The following SMARCAD1 variants were observed in gnomAD, a reference collection of about 807,000 sequenced individuals.
SMARCAD1 encodes SNF2 related chromatin remodeling ATPase with DExD box 1.
Under a neutral mutation model 127.1 loss-of-function variants are expected in SMARCAD1, and 25 were observed. That is an observed-to-expected ratio of 0.20 (90% CI 0.14 to 0.27). The LOEUF (loss-of-function observed/expected upper bound fraction) is 0.27. Among genes scored for constraint, SMARCAD1 ranks in the 10% least tolerant of loss-of-function variants. The probability of loss-of-function intolerance (pLI) is 1.00; values close to 1 mark genes in which losing one functional copy is unlikely to be tolerated. For synonymous variants in SMARCAD1, 400 were observed against 396.9 expected (o/e 1.01, Z -0.09); for missense variants, 807 against 1,206.0 (o/e 0.67, Z 4.90).
chr4:94,253,445 T>G (rs1749585329), intron 9 of SMARCAD1: 1 of 1,190,060 alleles, frequency 8.4e-7, no homozygotes, highest in South Asian at 1.6e-5. Context: ...GCTCCATGAT[T>G]CAAAATGCCA....
chr4:94,285,094 T>C, intron 23 of SMARCAD1, 25 bp downstream of exon 23: 16 of 1,368,548 alleles, frequency 1.2e-5, no homozygotes, highest in Non-Finnish European at 1.6e-5. Context: ...AGCAGAAACT[T>C]CAATATTTAT....
At chr4:94,275,090 C>A in intron 14 of SMARCAD1, 125 bp downstream of exon 14, 1 of 757,610 alleles carries the variant, frequency 1.3e-6, no homozygotes, top group Non-Finnish European at 2.3e-6. Flanking sequence ...AATAGAATGA[C>A]TAATGTTGAG....
At chr4:94,242,160 A>T (rs900038911) in intron 6 of SMARCAD1, among the ~76,000 whole-genome samples, 2 of 151,522 alleles carry the variant, frequency 1.3e-5, no homozygotes, top group Non-Finnish European at 2.9e-5. Context: ...CAGCCTCCGG[A>T]GTATCTGGGA....
chr4:94,218,676 C>T (rs966928576), intron 2 of SMARCAD1, among the ~76,000 whole-genome samples: 12 of 151,984 alleles, frequency 7.9e-5, no homozygotes, highest in African/African-American at 2.9e-4. Context: ...ACTCTTTAAT[C>T]TTATATTTAG....
chr4:94,284,929 A>G (rs1277506219), intron 22 of SMARCAD1, 31 bp from the exon 23 acceptor site: 1 of 1,257,538 alleles, frequency 8.0e-7, no homozygotes, highest in African/African-American at 1.5e-5. Context: ...ATATTTAGTA[A>G]CCAATGGACA....
chr4:94,215,670 T>C (rs1012126485), intron 2 of SMARCAD1, among the ~76,000 whole-genome samples: 26 of 151,964 alleles, frequency 1.7e-4, no homozygotes, highest in Non-Finnish European at 1.9e-4. Context: ...ATTTTAGTCA[T>C]TGTCACTTCA....
chr4:94,216,079 T>C (rs1266850385), intron 2 of SMARCAD1, among the ~76,000 whole-genome samples: 1 of 152,120 alleles, frequency 6.6e-6, no homozygotes, highest in African/African-American at 2.4e-5. Context: ...ATTAGGTATC[T>C]CAGGGCCCTA....
chr4:94,259,602 A>G (rs1750644625), intron 9 of SMARCAD1, among the ~76,000 whole-genome samples: 1 of 152,154 alleles, frequency 6.6e-6, no homozygotes, highest in African/African-American at 2.4e-5. Flanking sequence ...TAAAAATCTC[A>G]TAACCAACCC....
intron 22 of SMARCAD1, 93 bp downstream of exon 22, chr4:94,283,396 T>G (rs1754374294): frequency 2.2e-6 from 3 of 1,360,994 alleles, no homozygotes; most frequent in Non-Finnish European, 3.1e-6. Context: ...CTGCCTTAGT[T>G]TTTGTTTTTT....
chr4:94,264,560 G>T, intron 9 of SMARCAD1, 147 bp from the exon 10 acceptor site: 1 of 608,690 alleles, frequency 1.6e-6, no homozygotes, highest in Non-Finnish European at 2.8e-6. Flanking sequence ...ATATAAACAT[G>T]AAGAATCAGG....
At chr4:94,242,174 C>T (rs568830484) in intron 6 of SMARCAD1, among the ~76,000 whole-genome samples, 56 of 151,824 alleles carry the variant, frequency 3.7e-4, no homozygotes, top group African/African-American at 4.1e-4. Context: ...TCTGGGATTA[C>T]GGGAGTGCAG....
chr4:94,259,897 A>G (rs904161120), intron 9 of SMARCAD1, among the ~76,000 whole-genome samples: 3 of 152,182 alleles, frequency 2.0e-5, no homozygotes, highest in African/African-American at 7.2e-5. Context: ...CAGAGTTCAA[A>G]TTTCCAGTTG....
At chr4:94,242,563 G>T (rs1247926876) in intron 6 of SMARCAD1, among the ~76,000 whole-genome samples, 1 of 152,048 alleles carries the variant, frequency 6.6e-6, no homozygotes, top group Non-Finnish European at 1.5e-5. Context: ...TATTATAGCA[G>T]TTGTTCACTT....
At chr4:94,250,936 G>T in intron 8 of SMARCAD1, 103 bp downstream of exon 8, 1 of 848,510 alleles carries the variant, frequency 1.2e-6, no homozygotes, top group Non-Finnish European at 1.9e-6. Flanking sequence ...GTTAATCAGA[G>T]GGTGGGATTG....
chr4:94,279,470 A>G (rs1753719512), intron 19 of SMARCAD1, among the ~76,000 whole-genome samples: 1 of 152,240 alleles, frequency 6.6e-6, no homozygotes, highest in South Asian at 2.1e-4. Context: ...TAAGTTCAAA[A>G]TGATCTGGGG....
At chr4:94,267,640 A>G (rs1406598439) in intron 10 of SMARCAD1, among the ~76,000 whole-genome samples, 2 of 152,138 alleles carry the variant, frequency 1.3e-5, no homozygotes, top group African/African-American at 4.8e-5. Flanking sequence ...CCCTAACAAA[A>G]CAATAACTTC....
rs1402107747 is a variant in SMARCAD1 at position 94,234,408 on chromosome 4, A to G, written c.537+286A>G. On this transcript the variant is annotated intron_variant, in intron 4 of 23. Coordinates refer to ENST00000354268, the MANE Select transcript of SMARCAD1 (RefSeq NM_020159.5). Reference sequence around the variant, plus strand: ...TGTTTCTAAAATGCATAACCTCCCCATTTCCATTAGAAATACTCAGAAATG... The same window carrying G: ...TGTTTCTAAAATGCATAACCTCCCCGTTTCCATTAGAAATACTCAGAAATG... Among the ~76,000 whole-genome samples the G allele has an allele frequency of 2.6e-5, 4 of 152,314 alleles. No homozygotes were observed. The East Asian group carries it at 5.8e-4, about 22-fold the overall frequency.
chr4:94,236,411 A>G (rs189228607), intron 4 of SMARCAD1, among the ~76,000 whole-genome samples: 1 of 152,310 alleles, frequency 6.6e-6, no homozygotes, highest in East Asian at 1.9e-4. Flanking sequence ...AGATTCAGAC[A>G]ATTCAGAAAT....
intron 23 of SMARCAD1, among the ~76,000 whole-genome samples, chr4:94,288,302 A>G (rs1048696163): frequency 5.8e-4 from 89 of 152,310 alleles, no homozygotes; most frequent in African/African-American, 2.0e-3. Flanking sequence ...ACTAGGGTCC[A>G]AAGTTCACAC....
Sources: gnomAD v4.1 joint callset for allele counts (sites outside exome capture counted in the v4.1 genomes callset) on GRCh38, gnomAD v4.1.1 for gene constraint, MANE v1.5 for transcripts, NCBI Gene and HGNC (gene_info 2026-07-23, HGNC 2026-07-21) for gene names.